Variants in CPED1 observed in about 807,000 individuals in gnomAD.
CPED1 encodes cadherin like and PC-esterase domain containing 1, also known as cadherin-like and PC-esterase domain-containing protein 1.
In CPED1, 114 loss-of-function variants were observed where a neutral mutation model predicts 128.2. The observed-to-expected ratio is 0.89, with a 90% CI of 0.76 to 1.04. The LOEUF is 1.04. Ranked by LOEUF, CPED1 falls within the 50% of genes least tolerant of loss-of-function variation. The pLI is 0.00. For missense variants in CPED1, 1,211 were observed against 1,207.1 expected, an observed-to-expected ratio of 1.00 and a Z score of -0.05; for synonymous variants, 462 against 426.7, an observed-to-expected ratio of 1.08 and a Z score of -1.02.
At chr7:121,096,308 G>A (rs1002371833) in intron 5 of CPED1, among the ~76,000 whole-genome samples, 1 of 152,148 alleles carries the variant, frequency 6.6e-6, no homozygotes, top group South Asian at 2.1e-4. Context: ...TTAAGAGTGT[G>A]AAGTGTTTTA....
intron 16 of CPED1, among the ~76,000 whole-genome samples, chr7:121,183,608 A>C (rs989177817): frequency 4.0e-4 from 61 of 152,318 alleles, no homozygotes; most frequent in African/African-American, 1.4e-3. Context: ...GCTATAGCAA[A>C]CTGTTCAAAT....
chr7:121,216,843 C>G (rs1014432067), intron 16 of CPED1, among the ~76,000 whole-genome samples: 1 of 152,004 alleles, frequency 6.6e-6, no homozygotes, highest in Non-Finnish European at 1.5e-5. Flanking sequence ...CAGCAATTAT[C>G]ATATTTGGTG....
chr7:121,293,988 T>A (rs1792768247), intron 22 of CPED1, among the ~76,000 whole-genome samples: 1 of 152,110 alleles, frequency 6.6e-6, no homozygotes, highest in African/African-American at 2.4e-5. Context: ...TATTCATTTA[T>A]AAAGACACCC....
intron 16 of CPED1, among the ~76,000 whole-genome samples, chr7:121,207,333 C>A (rs1797542922): frequency 6.6e-6 from 1 of 151,924 alleles, no homozygotes; most frequent in Non-Finnish European, 1.5e-5. Context: ...TTACTGTAAG[C>A]AATGTATAAG....
intron 16 of CPED1, among the ~76,000 whole-genome samples, chr7:121,218,107 C>T (rs1444009323): frequency 1.3e-5 from 2 of 151,366 alleles, no homozygotes; most frequent in East Asian, 3.9e-4. Context: ...GCCTCAGACT[C>T]CTGAGTAGCT....
chr7:121,040,919 A>G (rs1249412531), intron 3 of CPED1, among the ~76,000 whole-genome samples: 1 of 152,006 alleles, frequency 6.6e-6, no homozygotes, highest in Non-Finnish European at 1.5e-5. Context: ...ACTATACTTT[A>G]TAAATCTGTT....
At chr7:121,257,751 C>A (rs957040520) in intron 18 of CPED1, among the ~76,000 whole-genome samples, 1 of 152,074 alleles carries the variant, frequency 6.6e-6, no homozygotes, top group Non-Finnish European at 1.5e-5. Flanking sequence ...TAATTTTTCT[C>A]TTTCATTACT....
At chr7:121,149,253 C>T (rs1027460378) in intron 16 of CPED1, among the ~76,000 whole-genome samples, 1 of 149,734 alleles carries the variant, frequency 6.7e-6, no homozygotes, top group Non-Finnish European at 1.5e-5. Flanking sequence ...AATGCATAGA[C>T]CTCCCCAGTG....
At chr7:121,271,859 A>T (rs1199269395) in intron 22 of CPED1, among the ~76,000 whole-genome samples, 3 of 152,168 alleles carry the variant, frequency 2.0e-5, no homozygotes, top group African/African-American at 7.2e-5. Context: ...CCAATGCATA[A>T]CAGGAAGACC....
At chr7:121,018,477 T>C (rs553082331) in intron 3 of CPED1, among the ~76,000 whole-genome samples, 9 of 152,202 alleles carry the variant, frequency 5.9e-5, no homozygotes, top group African/African-American at 2.2e-4. Context: ...AGAACCCTAC[T>C]CCACTTCCTT....
chr7:121,216,313 G>A (rs983071143), intron 16 of CPED1, among the ~76,000 whole-genome samples: 1 of 151,942 alleles, frequency 6.6e-6, no homozygotes, highest in Non-Finnish European at 1.5e-5. Context: ...TAGCCATAAG[G>A]AAAAGGAGGA....
chr7:121,116,415 A>G (rs1456970793), intron 7 of CPED1, among the ~76,000 whole-genome samples: 1 of 152,212 alleles, frequency 6.6e-6, no homozygotes, highest in African/African-American at 2.4e-5. Flanking sequence ...ATATTCTTAA[A>G]TCATTTTAGT....
At chr7:121,238,256 A>G (rs1351057574) in intron 17 of CPED1, among the ~76,000 whole-genome samples, 1 of 152,140 alleles carries the variant, frequency 6.6e-6, no homozygotes, top group Non-Finnish European at 1.5e-5. Flanking sequence ...GAAGGCCCCA[A>G]ATTGACTCAC....
In CPED1 at chr7:121,030,039, A is replaced by G. The variant is rs115522453; in HGVS notation, c.433+14191A>G. On this transcript the variant is annotated intron_variant, in intron 3 of 22. Coordinates refer to ENST00000310396, the MANE Select transcript of CPED1 (RefSeq NM_024913.5). ...TGTTTATGGTGGAATAGTCAATCAAATACTGGCAAATACAAAAATAAAAGT... is the reference window on the plus strand; with the variant it reads ...TGTTTATGGTGGAATAGTCAATCAAGTACTGGCAAATACAAAAATAAAAGT... 1.9e-3 allele frequency among the ~76,000 whole-genome samples: 291 copies of G among 152,320 alleles called. 1 individual carries two copies. The highest frequency in any genetic ancestry group is 6.7e-3 in the African/African-American group (280 of 41,568).
intron 17 of CPED1, among the ~76,000 whole-genome samples, chr7:121,242,744 G>A (rs954539263): frequency 3.3e-5 from 5 of 152,016 alleles, no homozygotes; most frequent in Admixed American, 6.6e-5. Context: ...AGTTGACATT[G>A]TACCCCTCAA....
chr7:121,116,217 G>C (rs1795231468), intron 7 of CPED1, among the ~76,000 whole-genome samples: 1 of 152,134 alleles, frequency 6.6e-6, no homozygotes, highest in Non-Finnish European at 1.5e-5. Context: ...GGGCTGTTAA[G>C]AAGTACGAAT....
At chr7:121,083,504 A>G (rs984826143) in intron 5 of CPED1, among the ~76,000 whole-genome samples, 3 of 152,188 alleles carry the variant, frequency 2.0e-5, no homozygotes, top group African/African-American at 7.2e-5. Flanking sequence ...AATGAATGCA[A>G]GTAGAGCCAA....
At chr7:121,025,151 C>G (rs1226684371) in intron 3 of CPED1, among the ~76,000 whole-genome samples, 2 of 152,030 alleles carry the variant, frequency 1.3e-5, no homozygotes, top group Non-Finnish European at 2.9e-5. Flanking sequence ...CCCTGAAGGT[C>G]TTTCATCTTT....
rs71170219 is a variant in CPED1 at position 121,026,827 on chromosome 7, CTT to C, written c.433+11001_433+11002del. ...TTCCTAGAGCTCCCTCCTGTCAGTT[CTT>C]TTTTTTTTTTTTTTTTTTTTTGAGA... is the stretch of plus-strand genomic sequence containing the variant. On this transcript the variant is annotated intron_variant, in intron 3 of 22. Transcript: ENST00000310396. 9.2e-3 allele frequency among the ~76,000 whole-genome samples: 766 copies of C among 83,368 alleles called. 2 individuals carry two copies. Among genetic ancestry groups the C allele is most frequent in the Non-Finnish European group, 0.01 (458 of 44,954 alleles). The allele number at this position is 83,368 out of a possible 152,430, so 54.7% of individuals were successfully genotyped here.
Sources: gnomAD v4.1 joint callset for allele counts (sites outside exome capture counted in the v4.1 genomes callset) on GRCh38, gnomAD v4.1.1 for gene constraint, MANE v1.5 for transcripts, NCBI Gene and HGNC (gene_info 2026-07-23, HGNC 2026-07-21) for gene names.